EPB41L3: variants seen among roughly 807,000 people sequenced by gnomAD.
The protein encoded by EPB41L3 is erythrocyte membrane protein band 4.1 like 3, also known as band 4.1-like protein 3.
EPB41L3 carries 57 observed loss-of-function variants against 127.1 expected under a neutral mutation model. The observed-to-expected ratio is 0.45, with a 90% confidence interval of 0.36 to 0.56. EPB41L3 has a LOEUF of 0.56. EPB41L3 is among the 20% of genes least tolerant of loss of function. EPB41L3 has a pLI of 0.00. For missense variants in EPB41L3, 1,273 were observed against 1,372.2 expected (o/e 0.93, Z 1.14); for synonymous variants, 572 against 549.5 (o/e 1.04, Z -0.57).
intron 13 of EPB41L3, among the ~76,000 whole-genome samples, chr18:5,412,952 C>T (rs562734467): frequency 1.3e-5 from 2 of 151,408 alleles, no homozygotes; most frequent in South Asian, 4.2e-4. Flanking sequence ...TAGCATAGTC[C>T]ACATATAAAA....
chr18:5,461,857 C>A (rs914880540), intron 3 of EPB41L3, among the ~76,000 whole-genome samples: 1 of 152,020 alleles, frequency 6.6e-6, no homozygotes, highest in Non-Finnish European at 1.5e-5. Flanking sequence ...CCTTACAGAA[C>A]AAATAAATAA....
chr18:5,574,744 T>C (rs2094320606), intron 3 of EPB41L3, among the ~76,000 whole-genome samples: 1 of 152,222 alleles, frequency 6.6e-6, no homozygotes, highest in Non-Finnish European at 1.5e-5. Flanking sequence ...TGCTATAGAA[T>C]TAAGCATATC....
intron 16 of EPB41L3, among the ~76,000 whole-genome samples, chr18:5,406,143 T>C (rs991444420): frequency 5.9e-5 from 9 of 151,868 alleles, no homozygotes; most frequent in African/African-American, 2.2e-4. Flanking sequence ...CCCAGCTACT[T>C]GGGAGGCCAA....
At chr18:5,540,601 T>A in intron 1 of EPB41L3, 1 of 965,488 alleles carries the variant, frequency 1.0e-6, no homozygotes, top group Non-Finnish European at 1.2e-6. Context: ...TCCCAACAAA[T>A]CAGCAGCTAG....
At chr18:5,559,020 G>A (rs1472231289) in intron 3 of EPB41L3, among the ~76,000 whole-genome samples, 1 of 152,158 alleles carries the variant, frequency 6.6e-6, no homozygotes, top group African/African-American at 2.4e-5. Context: ...GTGCTAAAGT[G>A]AAGTGTCCAG....
Position 5,416,113 on chromosome 18 carries a change from T to C in EPB41L3, c.1772A>G (p.Gln591Arg), listed in dbSNP as rs147018763. 8.1e-6 allele frequency: 13 copies of C among 1,612,666 alleles called. No homozygotes were observed. Among genetic ancestry groups the C allele is most frequent in the Non-Finnish European group, 1.1e-5 (13 of 1,179,106 alleles). ...GAGGGAGGGGAATGACTCAGGGAGC[T>C]GCAAGGAGAAGGAGAACAGGGTGGT... ...KGTTLFSFSL[Q>R]LPESFPSLLD... The change falls in exon 13 of 23, where the codon CAG (glutamine) becomes CGG (arginine). Residue 591 changes from glutamine to arginine, a missense_variant. Physicochemically the swap from Gln to Arg is conservative, Grantham distance 43 (BLOSUM62 1). Around this residue, in one of 3 missense-constraint regions of EPB41L3, gnomAD observed 765 missense variants for 782.9 expected, o/e 0.98. Transcript: ENST00000341928.
chr18:5,512,333 G>A (rs192471665), intron 1 of EPB41L3, among the ~76,000 whole-genome samples: 6 of 152,282 alleles, frequency 3.9e-5, no homozygotes, highest in Admixed American at 2.6e-4. Flanking sequence ...CTTGACTGGG[G>A]AGATCAGGGT....
chr18:5,439,045 CAA>C (rs1169146114), intron 5 of EPB41L3, among the ~76,000 whole-genome samples: 8 of 152,084 alleles, frequency 5.3e-5, no homozygotes, highest in Non-Finnish European at 1.2e-4. Flanking sequence ...TTCCGGCCTT[CAA>C]ATGCAGTAAC....
rs1190047630 is a variant in EPB41L3, at chr18:5,511,391, GTTTTTTTTTTTTTTTTT to G, written c.-11-22214_-11-22198del. 2.7e-4 allele frequency among the ~76,000 whole-genome samples: 16 copies of G among 59,800 alleles called. No individual in the cohort carries two copies. In the South Asian group the frequency reaches 4.5e-3, roughly 17 times the overall value. The allele number at this position is 59,800 out of a possible 152,430, so 39.2% of individuals were successfully genotyped here. On this transcript the variant is annotated intron_variant, in intron 1 of 22. Coordinates refer to ENST00000341928, the MANE Select transcript of EPB41L3 (RefSeq NM_012307.5). ...CTTTAATAGCTGTGGAGGTATTTTGGTTTTTTTTTTTTTTTTTTTTTTTTTTTTTTTGTATGTAGACC... is the reference window on the plus strand; with the variant it reads ...CTTTAATAGCTGTGGAGGTATTTTGGTTTTTTTTTTTTTTGTATGTAGACC...
chr18:5,524,741 T>A (rs1425728276), intron 1 of EPB41L3, among the ~76,000 whole-genome samples: 1 of 152,178 alleles, frequency 6.6e-6, no homozygotes, highest in African/African-American at 2.4e-5. Context: ...CTTTTCTCCA[T>A]CCATGGGGAA....
chr18:5,518,748 T>A lies in EPB41L3; in HGVS notation c.-12+25165A>T, dbSNP rs188958065. 4 of 152,250 alleles carry A rather than the reference T, an allele frequency of 2.6e-5. No homozygotes were observed. The East Asian group carries it at 7.7e-4, about 29-fold the overall frequency. 9.4% of individuals were successfully genotyped at this position (152,250 alleles called of 1,614,324 possible). ...ACAGGACTGGGTGTCCACCGTGGGA[T>A]GTAGAGATTGGTGAGGTCAGTCCCC... is the stretch of plus-strand genomic sequence containing the variant. On this transcript the variant is annotated intron_variant, in intron 1 of 22. Transcript: ENST00000341928.
chr18:5,470,124 G>C (rs1202278505), intron 3 of EPB41L3, among the ~76,000 whole-genome samples: 1 of 152,194 alleles, frequency 6.6e-6, no homozygotes, highest in Non-Finnish European at 1.5e-5. Flanking sequence ...CTGAAACAGA[G>C]AGCAGGAGAT....
intron 1 of EPB41L3, among the ~76,000 whole-genome samples, chr18:5,619,106 T>G (rs1321291554): frequency 6.6e-6 from 1 of 152,158 alleles, no homozygotes; most frequent in Non-Finnish European, 1.5e-5. Flanking sequence ...GTGATGTATG[T>G]ATAATACAAG....
intron 3 of EPB41L3, among the ~76,000 whole-genome samples, chr18:5,457,554 C>T (rs1363705750): frequency 6.6e-6 from 1 of 152,130 alleles, no homozygotes; most frequent in Non-Finnish European, 1.5e-5. Flanking sequence ...AAAAAACACA[C>T]ACACACAGAT....
chr18:5,426,967 T>C (rs761842044), intron 9 of EPB41L3, among the ~76,000 whole-genome samples: 8 of 152,202 alleles, frequency 5.3e-5, no homozygotes, highest in Non-Finnish European at 8.8e-5. Context: ...TATGATGTTA[T>C]GTTCATACTA....
intron 3 of EPB41L3, among the ~76,000 whole-genome samples, chr18:5,587,675 A>G (rs1024972228): frequency 1.3e-5 from 2 of 152,314 alleles, no homozygotes; most frequent in Admixed American, 1.3e-4. Context: ...TGTTACTTAC[A>G]TGACATTCAC....
At chr18:5,534,297 C>T (rs976146223) in intron 1 of EPB41L3, among the ~76,000 whole-genome samples, 8 of 152,196 alleles carry the variant, frequency 5.3e-5, no homozygotes, top group Admixed American at 2.6e-4. Flanking sequence ...CCAGGTTAAA[C>T]GCTCATTTGA....
intron 1 of EPB41L3, among the ~76,000 whole-genome samples, chr18:5,509,356 C>T (rs1598452210): frequency 1.3e-5 from 2 of 152,316 alleles, no homozygotes; most frequent in South Asian, 4.1e-4. Context: ...TGGGGAACAC[C>T]AACTAGCTCA....
intron 3 of EPB41L3, among the ~76,000 whole-genome samples, chr18:5,584,325 C>T (rs554159542): frequency 3.9e-4 from 60 of 152,294 alleles, no homozygotes; most frequent in African/African-American, 1.3e-3. Flanking sequence ...CGTAACCCGT[C>T]TGAAGCAAGT....
Sources: gnomAD v4.1 joint callset for allele counts (sites outside exome capture counted in the v4.1 genomes callset) on GRCh38, gnomAD v4.1.1 for gene constraint, gnomAD v4.1.1 regional missense constraint, MANE v1.5 for transcripts, NCBI Gene and HGNC (gene_info 2026-07-23, HGNC 2026-07-21) for gene names.